ADAMTS12: variants seen among roughly 807,000 people sequenced by gnomAD.
ADAMTS12 encodes A disintegrin and metalloproteinase with thrombospondin motifs 12.
In ADAMTS12, 118 loss-of-function variants were observed where a neutral mutation model predicts 167.8. The ratio of observed to expected loss-of-function variants is 0.70; its 90% CI spans 0.61 to 0.82. The LOEUF is 0.82. Among genes scored for constraint, ADAMTS12 ranks in the 40% least tolerant of loss-of-function variants. The pLI is 0.00. For synonymous variants in ADAMTS12, 704 were observed against 716.9 expected, an observed-to-expected ratio of 0.98 and a Z score of 0.29; for missense variants, 1,916 against 1,998.8, an observed-to-expected ratio of 0.96 and a Z score of 0.79.
chr5:33,538,728 G>A (rs932101550), intron 22 of ADAMTS12, among the ~76,000 whole-genome samples: 13 of 152,130 alleles, frequency 8.5e-5, no homozygotes, highest in Non-Finnish European at 1.6e-4. Context: ...GACACCAAGC[G>A]ATGGTCAGTT....
intron 3 of ADAMTS12, among the ~76,000 whole-genome samples, chr5:33,686,246 G>A (rs1185831314): frequency 6.6e-6 from 1 of 152,068 alleles, no homozygotes; most frequent in Non-Finnish European, 1.5e-5. Flanking sequence ...TCCCTCCCCT[G>A]GGTGCCGGTC....
chr5:33,645,052 G>A (rs1017493678), intron 9 of ADAMTS12, among the ~76,000 whole-genome samples: 11 of 151,946 alleles, frequency 7.2e-5, no homozygotes, highest in African/African-American at 2.7e-4. Context: ...ATCTATTGGA[G>A]TTTCATGCCA....
chr5:33,665,589 C>T (rs1302872385), intron 5 of ADAMTS12, among the ~76,000 whole-genome samples: 1 of 152,012 alleles, frequency 6.6e-6, no homozygotes, highest in East Asian at 1.9e-4. Flanking sequence ...AAAGCCAAAG[C>T]CATGAGCAAC....
chr5:33,684,174 G>GT (rs1435526914), intron 3 of ADAMTS12, 119 bp from the exon 4 acceptor site: 2 of 758,336 alleles, frequency 2.6e-6, no homozygotes, highest in African/African-American at 3.6e-5. Context: ...TAAACGCAAT[G>GT]TTTTTACGTA....
At chr5:33,701,014 T>C (rs1742982354) in intron 3 of ADAMTS12, among the ~76,000 whole-genome samples, 2 of 152,184 alleles carry the variant, frequency 1.3e-5, no homozygotes, top group Non-Finnish European at 1.5e-5. Flanking sequence ...CTGTGTTTCC[T>C]TCTTGAGTGG....
intron 19 of ADAMTS12, among the ~76,000 whole-genome samples, chr5:33,565,717 A>G (rs1159618920): frequency 6.9e-6 from 1 of 145,730 alleles, no homozygotes; most frequent in African/African-American, 2.6e-5. Context: ...GTTCAATAAG[A>G]CCATTTATTT....
At chr5:33,804,675 C>A (rs1432472230) in intron 2 of ADAMTS12, among the ~76,000 whole-genome samples, 1 of 152,126 alleles carries the variant, frequency 6.6e-6, no homozygotes, top group Middle Eastern at 3.2e-3. Context: ...ATTTGCAATG[C>A]AATTCACAAG....
At chr5:33,532,200 AT>A (rs1744137778) in intron 23 of ADAMTS12, among the ~76,000 whole-genome samples, 1 of 152,114 alleles carries the variant, frequency 6.6e-6, no homozygotes, top group Admixed American at 6.6e-5. Context: ...AGGCGATAAT[AT>A]TTTTTTCACC....
At chr5:33,684,605 G>T (rs1376154894) in intron 3 of ADAMTS12, among the ~76,000 whole-genome samples, 1 of 152,166 alleles carries the variant, frequency 6.6e-6, no homozygotes, top group African/African-American at 2.4e-5. Context: ...GTTTCCAACA[G>T]AGTAAACATG....
rs80337576 is a variant in ADAMTS12, at chr5:33,563,040, G to A, written c.3973-1861C>T. On this transcript the variant is annotated intron_variant, in intron 19 of 23. Coordinates refer to ENST00000504830, the MANE Select transcript of ADAMTS12 (RefSeq NM_030955.4). ...AGATAATCTGTAGATCACAGAAAGA[G>A]AAAAGTAGAAATTATTTTCTACTAC... Among the ~76,000 whole-genome samples the A allele has an allele frequency of 5.6e-3, 859 of 152,278 alleles. 8 individuals carry two copies. Among genetic ancestry groups the A allele is most frequent in the African/African-American group, 0.02 (819 of 41,550 alleles).
chr5:33,810,683 G>A (rs917452478), intron 2 of ADAMTS12, among the ~76,000 whole-genome samples: 1 of 152,166 alleles, frequency 6.6e-6, no homozygotes, highest in African/African-American at 2.4e-5. Flanking sequence ...AGCAAAACAA[G>A]GGATATGACA....
chr5:33,578,125 GT>G, intron 18 of ADAMTS12, among the ~76,000 whole-genome samples: 1 of 152,284 alleles, frequency 6.6e-6, no homozygotes, highest in Middle Eastern at 3.4e-3. Context: ...CCACCAAATA[GT>G]TGGCACTTGA....
At chr5:33,692,630 C>T (rs1375600142) in intron 3 of ADAMTS12, among the ~76,000 whole-genome samples, 1 of 152,140 alleles carries the variant, frequency 6.6e-6, no homozygotes, top group Non-Finnish European at 1.5e-5. Flanking sequence ...CTCTCCCCTT[C>T]ATGTTTGGGA....
At chr5:33,529,335 G>A (rs1022866320) in intron 23 of ADAMTS12, among the ~76,000 whole-genome samples, 1 of 152,142 alleles carries the variant, frequency 6.6e-6, no homozygotes, top group Non-Finnish European at 1.5e-5. Context: ...CATTTGTACG[G>A]GTGGTTCTCA....
chr5:33,583,694 T>G (rs1367608135), intron 18 of ADAMTS12, among the ~76,000 whole-genome samples: 2 of 152,224 alleles, frequency 1.3e-5, no homozygotes, highest in Non-Finnish European at 2.9e-5. Flanking sequence ...TTAACTGGAA[T>G]AAAAGTTGTA....
chr5:33,654,350 G>A (rs1740967687), intron 7 of ADAMTS12, among the ~76,000 whole-genome samples: 1 of 152,160 alleles, frequency 6.6e-6, no homozygotes, highest in Admixed American at 6.6e-5. Context: ...TATAATGAGT[G>A]ATTTATATTG....
chr5:33,781,247 ATG>A (rs377510512), intron 2 of ADAMTS12, among the ~76,000 whole-genome samples: 5 of 150,002 alleles, frequency 3.3e-5, no homozygotes, highest in East Asian at 1.9e-4. Context: ...AGATATGTGC[ATG>A]TGTGTGTGTG....
chr5:33,682,159 C>CCA (rs1427722762), intron 5 of ADAMTS12, among the ~76,000 whole-genome samples: 1 of 152,152 alleles, frequency 6.6e-6, no homozygotes. Context: ...GGAAGTAAGA[C>CCA]CACAGTGCTC....
At chr5:33,840,046 T>A (rs1748690244) in intron 2 of ADAMTS12, 1 of 152,206 alleles carries the variant, frequency 6.6e-6, no homozygotes, top group Non-Finnish European at 1.5e-5. Flanking sequence ...TAATTCCCCA[T>A]TCACTGACTT....
Sources: gnomAD v4.1 joint callset for allele counts (sites outside exome capture counted in the v4.1 genomes callset) on GRCh38, gnomAD v4.1.1 for gene constraint, MANE v1.5 for transcripts, NCBI Gene and HGNC (gene_info 2026-07-23, HGNC 2026-07-21) for gene names.